SEMA3A: variants seen among roughly 807,000 people sequenced by gnomAD.
SEMA3A encodes the protein semaphorin 3A.
In SEMA3A, 29 loss-of-function variants were observed where a neutral mutation model predicts 97.9. The ratio of observed to expected loss-of-function variants is 0.30; its 90% CI spans 0.22 to 0.40. The LOEUF is 0.40. SEMA3A is among the 10% of genes least tolerant of loss of function. SEMA3A has a pLI of 1.00. For missense variants in SEMA3A, 763 were observed against 951.3 expected (o/e 0.80, Z 2.60); for synonymous variants, 321 against 323.7 (o/e 0.99, Z 0.09).
chr7:84,435,420 C>T (rs1273654225), intron 1 of SEMA3A, among the ~76,000 whole-genome samples: 2 of 152,050 alleles, frequency 1.3e-5, no homozygotes, highest in East Asian at 3.9e-4. Flanking sequence ...CAATCCTGGC[C>T]AACATGGTGA....
chr7:84,452,952 T>G (rs1805595860), intron 1 of SEMA3A, among the ~76,000 whole-genome samples: 2 of 152,038 alleles, frequency 1.3e-5, no homozygotes, highest in Admixed American at 6.5e-5. Context: ...ACTGTCAGAG[T>G]CTTTCCCCTT....
intron 1 of SEMA3A, among the ~76,000 whole-genome samples, chr7:84,372,649 C>A (rs1010402961): frequency 6.6e-5 from 10 of 152,066 alleles, no homozygotes; most frequent in African/African-American, 2.4e-4. Flanking sequence ...TAGAAATCAC[C>A]TGACCTGAAA....
intron 2 of SEMA3A, among the ~76,000 whole-genome samples, chr7:84,130,831 A>T (rs886699415): frequency 6.6e-6 from 1 of 152,102 alleles, no homozygotes; most frequent in Non-Finnish European, 1.5e-5. Flanking sequence ...CTTTCCAGCT[A>T]AATTGTGCTG....
At chr7:83,999,855 G>C (rs1790368855) in intron 12 of SEMA3A, among the ~76,000 whole-genome samples, 1 of 151,968 alleles carries the variant, frequency 6.6e-6, no homozygotes, top group African/African-American at 2.4e-5. Flanking sequence ...ATATACGTTG[G>C]TAAAGGTTTT....
intron 3 of SEMA3A, among the ~76,000 whole-genome samples, chr7:84,224,282 C>G (rs536040375): frequency 6.6e-6 from 1 of 152,020 alleles, no homozygotes; most frequent in East Asian, 1.9e-4. Flanking sequence ...GAAGGTCTAA[C>G]TCAAAAGATA....
chr7:84,333,122 G>C (rs1460706517), intron 2 of SEMA3A, among the ~76,000 whole-genome samples: 4 of 152,050 alleles, frequency 2.6e-5, no homozygotes, highest in Non-Finnish European at 2.9e-5. Context: ...TGTGAAAAAT[G>C]ACAATTGTAA....
intron 7 of SEMA3A, among the ~76,000 whole-genome samples, chr7:84,011,511 A>T (rs541825836): frequency 5.3e-4 from 81 of 152,214 alleles, no homozygotes; most frequent in Non-Finnish European, 1.0e-3. Flanking sequence ...TTTTTAAGGG[A>T]TATTTATTGT....
intron 3 of SEMA3A, among the ~76,000 whole-genome samples, chr7:84,215,221 T>C (rs1005983503): frequency 2.0e-5 from 3 of 151,942 alleles, no homozygotes; most frequent in African/African-American, 7.2e-5. Flanking sequence ...GTTTTACTCT[T>C]GTTGCCCAGG....
intron 1 of SEMA3A, among the ~76,000 whole-genome samples, chr7:84,461,010 T>G (rs1047574169): frequency 5.3e-5 from 8 of 152,182 alleles, no homozygotes; most frequent in African/African-American, 1.9e-4. Context: ...GGGTTATTTA[T>G]TCCAATACTT....
At chr7:84,252,733 CATCT>C (rs1208369130) in intron 3 of SEMA3A, among the ~76,000 whole-genome samples, 2 of 152,156 alleles carry the variant, frequency 1.3e-5, no homozygotes, top group Non-Finnish European at 2.9e-5. Flanking sequence ...TTCACTCTCT[CATCT>C]ATTTACAGAA....
At chr7:83,992,693 A>T (rs1201816793) in intron 12 of SEMA3A, among the ~76,000 whole-genome samples, 1 of 151,582 alleles carries the variant, frequency 6.6e-6, no homozygotes, top group African/African-American at 2.4e-5. Flanking sequence ...ATAGTTTGTT[A>T]TAATTTCTGT....
chr7:83,977,952 C>T (rs1451895348), intron 14 of SEMA3A, among the ~76,000 whole-genome samples: 2 of 151,642 alleles, frequency 1.3e-5, no homozygotes, highest in Non-Finnish European at 2.9e-5. Flanking sequence ...TACAGGCAGC[C>T]GCCACCATGC....
chr7:84,181,083 A>T (rs1025097363), intron 1 of SEMA3A, among the ~76,000 whole-genome samples: 4 of 152,150 alleles, frequency 2.6e-5, no homozygotes, highest in Admixed American at 2.6e-4. Context: ...TGATAAGGTA[A>T]TGGTTAAATA....
chr7:84,063,144 C>A lies in SEMA3A; in HGVS notation c.454-2586G>T, dbSNP rs183707423. 9.5e-4 allele frequency among the ~76,000 whole-genome samples: 145 copies of A among 152,060 alleles called. 1 individual carries two copies. The highest frequency in any genetic ancestry group is 8.7e-4 in the Non-Finnish European group (59 of 67,974). On this transcript the variant is annotated intron_variant, in intron 4 of 16. Coordinates refer to ENST00000265362, the MANE Select transcript of SEMA3A (RefSeq NM_006080.3). ...CTAAGCAACCTAACTGTGAGGCACC[C>A]CCAAGCAGGGGCACACTGACACCTC...
chr7:84,232,755 A>T (rs1484299329), intron 3 of SEMA3A, among the ~76,000 whole-genome samples: 3 of 151,924 alleles, frequency 2.0e-5, no homozygotes, highest in African/African-American at 7.2e-5. Flanking sequence ...AAATGCCTCC[A>T]AGTTCTCTTC....
At chr7:84,126,299 G>A (rs574816027) in intron 3 of SEMA3A, among the ~76,000 whole-genome samples, 2 of 152,056 alleles carry the variant, frequency 1.3e-5, no homozygotes, top group East Asian at 1.9e-4. Flanking sequence ...TGCACCTCCC[G>A]GGTTCAAGCG....
At chr7:84,028,010 T>C (rs990534750) in intron 6 of SEMA3A, among the ~76,000 whole-genome samples, 1 of 152,166 alleles carries the variant, frequency 6.6e-6, no homozygotes, top group African/African-American at 2.4e-5. Context: ...TTTCTGAAAA[T>C]TGAAGTGGAA....
At chr7:84,141,533 A>G (rs1163537001) in intron 1 of SEMA3A, among the ~76,000 whole-genome samples, 3 of 152,274 alleles carry the variant, frequency 2.0e-5, no homozygotes, top group Non-Finnish European at 4.4e-5. Flanking sequence ...TTCAGGCTAC[A>G]TGTGTAGCAT....
rs181544876 is a variant in SEMA3A, at chr7:84,263,394, A to G, written c.-83+43813T>C. ...AAAAAAATCTGTTTTTAAAGTGTGT[A>G]ACTTTAATATTGGCAACAAGAGCTA... On this transcript the variant is annotated intron_variant, in intron 3 of 3. Coordinates refer to the SEMA3A transcript ENST00000424555. Among the ~76,000 whole-genome samples the G allele has an allele frequency of 5.2e-3, 787 of 152,312 alleles. 5 individuals carry two copies. Among genetic ancestry groups the G allele is most frequent in the African/African-American group, 0.018 (751 of 41,570 alleles).
Sources: gnomAD v4.1 joint callset for allele counts (sites outside exome capture counted in the v4.1 genomes callset) on GRCh38, gnomAD v4.1.1 for gene constraint, MANE v1.5 for transcripts, NCBI Gene and HGNC (gene_info 2026-07-23, HGNC 2026-07-21) for gene names.